The following HLTF variants were observed in gnomAD, a reference collection of about 807,000 sequenced individuals.
HLTF encodes helicase like transcription factor.
Under a neutral mutation model 129.4 loss-of-function variants are expected in HLTF, and 127 were observed. The observed-to-expected ratio is 0.98, with a 90% CI of 0.85 to 1.14. The LOEUF (loss-of-function observed/expected upper bound fraction) is 1.14. Among genes scored for constraint, HLTF ranks in the 50% most tolerant of loss-of-function variants. The pLI, the probability that HLTF is intolerant of heterozygous loss-of-function variation, is 0.00. For missense variants in HLTF, 1,139 were observed against 1,187.1 expected (o/e 0.96, Z 0.60); for synonymous variants, 332 against 388.8 (o/e 0.85, Z 1.72).
At position 149,055,359 on chromosome 3, in the gene HLTF, C is replaced by T. The variant is rs760061545; in HGVS notation, c.1417G>A (p.Glu473Lys). 1.9e-6 allele frequency: 3 copies of T among 1,613,826 alleles called. No individual in the cohort carries two copies. The highest frequency in any genetic ancestry group is 2.7e-5 in the African/African-American group (2 of 74,912). ...VEGSKKTDVEERPRTTLIICP... is the reference protein window; with the variant it reads ...VEGSKKTDVEKRPRTTLIICP... ...ATGATCAGTGTTGTTCTTGGTCTCT[C>T]CTCAACATCAGTTTTCTTTGACCCC... Residue 473 changes from glutamate to lysine, a missense_variant, in exon 14 of 25, where the codon GAG becomes AAG. Glu to Lys is a moderately conservative substitution (Grantham distance 56). Coordinates refer to ENST00000310053, the MANE Select transcript of HLTF (RefSeq NM_003071.4).
chr3:149,055,468 G>T, intron 13 of HLTF, 68 bp from the exon 14 acceptor site: 1 of 980,398 alleles, frequency 1.0e-6, no homozygotes, highest in Non-Finnish European at 1.6e-6. Flanking sequence ...ATAAGGAGAT[G>T]GCAATAATGT....
At chr3:149,083,906 G>A (rs1226689515) in intron 2 of HLTF, among the ~76,000 whole-genome samples, 2 of 138,360 alleles carry the variant, frequency 1.4e-5, no homozygotes, top group African/African-American at 2.7e-5. Context: ...GCAACAAAAC[G>A]AAACTTGGTC....
At chr3:149,061,789 T>C (rs1429290787) in intron 10 of HLTF, among the ~76,000 whole-genome samples, 1 of 147,806 alleles carries the variant, frequency 6.8e-6, no homozygotes. Context: ...TGAGCCGAGA[T>C]CATGCCATTG....
At chr3:149,041,469 T>A in intron 20 of HLTF, 21 bp downstream of exon 20, 1 of 1,593,640 alleles carries the variant, frequency 6.3e-7, no homozygotes, top group Non-Finnish European at 8.6e-7. Context: ...ACACTGAACC[T>A]GTACTGAGCA....
At position 149,086,405 on chromosome 3, in the gene HLTF, C is replaced by T; in HGVS notation, c.-69G>A. 2 of 1,524,224 alleles carry T rather than the reference C, an allele frequency of 1.3e-6. No individual in the cohort carries two copies. The highest frequency in any genetic ancestry group is 1.4e-5 in the African/African-American group (1 of 72,752). 94.4% of individuals were successfully genotyped at this position (1,524,224 alleles called of 1,614,324 possible). A position where few individuals can be genotyped will look rare whatever the true frequency, so the allele number is the denominator to read the frequency against. On this transcript the variant is annotated 5_prime_UTR_variant, in exon 1 of 25. Coordinates refer to ENST00000310053, the MANE Select transcript of HLTF (RefSeq NM_003071.4). ...ATCGTTTTCGAGCCGCCTCGATACG[C>T]CTCCTTCCAGGCCCCGCAGCCCTGA...
chr3:149,041,566 A>T lies in HLTF; in HGVS notation c.2300T>A (p.Leu767Ter). The T allele has an allele frequency of 6.2e-7, 1 of 1,613,136 alleles. No individual in the cohort carries two copies. The highest frequency in any genetic ancestry group is 1.1e-5 in the South Asian group (1 of 91,054). Residue 767 changes from leucine to a stop codon, truncating the protein, a stop_gained, in exon 20 of 25, where the codon TTA becomes TAA. Transcript: ENST00000310053. LOFTEE classifies it high-confidence loss of function. ...ACAATGTGTTATCACAGGAACTGTT[A>T]AAGAATCCAGGCAAATTGCACATTC... ...DEECAICLDS[L>*]TVPVITHCAH...
At chr3:149,060,499 T>C (rs1374127450) in intron 12 of HLTF, 144 bp downstream of exon 12, 2 of 616,680 alleles carry the variant, frequency 3.2e-6, no homozygotes, top group Non-Finnish European at 5.7e-6. Flanking sequence ...AACCCATGGT[T>C]AGCTCCATGA....
In HLTF at chr3:149,046,073, T is replaced by A. The variant is rs1716522694; in HGVS notation, c.2072+7A>T. 6.3e-7 allele frequency: 1 copy of A among 1,593,794 alleles called. No individual in the cohort carries two copies. Among genetic ancestry groups the A allele is most frequent in the Non-Finnish European group, 8.5e-7 (1 of 1,171,184 alleles). On this transcript the variant is annotated splice_region_variant and intron_variant, in intron 18 of 24. Transcript: ENST00000310053. Reference sequence around the variant, plus strand: ...CTAATTTTTAACATGGTTTTCTTTCTCCATACCTTCCAATAGTGGCTCTGC... The same window carrying A: ...CTAATTTTTAACATGGTTTTCTTTCACCATACCTTCCAATAGTGGCTCTGC...
At chr3:149,067,164 T>A (rs1718449793) in intron 8 of HLTF, among the ~76,000 whole-genome samples, 1 of 151,318 alleles carries the variant, frequency 6.6e-6, no homozygotes, top group South Asian at 2.1e-4. Context: ...AATGTATGTT[T>A]ATATTATATA....
intron 4 of HLTF, 104 bp from the exon 5 acceptor site, chr3:149,073,426 G>T: frequency 1.3e-6 from 1 of 777,450 alleles, no homozygotes; most frequent in Non-Finnish European, 2.1e-6. Context: ...GGGTGCTGTG[G>T]CTCATGCCTG....
intron 2 of HLTF, among the ~76,000 whole-genome samples, chr3:149,083,226 G>A (rs1248779630): frequency 6.6e-6 from 1 of 151,926 alleles, no homozygotes; most frequent in African/African-American, 2.4e-5. Context: ...ACTCCAGCCT[G>A]GGCAATGCAA....
In HLTF at chr3:149,074,276, A is replaced by G. The variant is rs1719139442; in HGVS notation, c.468T>C (p.Asn156=). ...LHMTFWGKEE[N]RKAVSDQLKK... is the part of the protein sequence containing the mutation. ...TCAACTGATCTGAAACCGCTTTTCT[A>G]TTTTCTTCTTTTCCCCAAAAAGTCA... Residue 156 remains asparagine, a synonymous_variant, in exon 4 of 25, where the codon AAT becomes AAC. Coordinates refer to ENST00000310053, the MANE Select transcript of HLTF (RefSeq NM_003071.4). 1.2e-6 allele frequency: 2 copies of G among 1,613,500 alleles called. No individual in the cohort carries two copies. Among genetic ancestry groups the G allele is most frequent in the Non-Finnish European group, 1.7e-6 (2 of 1,179,798 alleles).
Position 149,086,319 on chromosome 3 carries a change from CTT to C in HLTF, c.16_17del (p.Lys6GlufsTer32). 1 of 1,602,846 alleles carries C rather than the reference CTT, an allele frequency of 6.2e-7. No homozygotes were observed. The highest frequency in any genetic ancestry group is 8.5e-7 in the Non-Finnish European group (1 of 1,174,530). MSWMF[K>X]RDPVWKYLQT... ...CCCACCCCCTCCGCCCCCTTCACCT[CTT>C]GAACATCCAGGACATGGCGCTGAGT... On this transcript the variant is annotated frameshift_variant, in exon 1 of 25. Transcript: ENST00000310053. LOFTEE classifies it high-confidence loss of function.
chr3:149,050,303 T>C lies in HLTF; in HGVS notation c.1546A>G (p.Arg516Gly). 3 of 1,599,992 alleles carry C rather than the reference T, an allele frequency of 1.9e-6. No homozygotes were observed. Among genetic ancestry groups the C allele is most frequent in the Non-Finnish European group, 2.6e-6 (3 of 1,167,976 alleles). ...FYVYYGPDRI[R>G]EPALLSKQDI... Reference sequence around the variant, plus strand: ...TGTTTTGAAAGTAAGGCCGGTTCTCTAATACGATCAGGACCATAATAAACA... The same window carrying C: ...TGTTTTGAAAGTAAGGCCGGTTCTCCAATACGATCAGGACCATAATAAACA... Residue 516 changes from arginine (R) to glycine (G), a missense_variant, in exon 15 of 25, where the codon AGA becomes GGA. Transcript: ENST00000310053.
At chr3:149,080,890 C>T (rs1320329616) in intron 2 of HLTF, among the ~76,000 whole-genome samples, 1 of 152,114 alleles carries the variant, frequency 6.6e-6, no homozygotes, top group East Asian at 1.9e-4. Context: ...TATAGTCATA[C>T]CCCGCATAAC....
chr3:149,039,632 A>G lies in HLTF; in HGVS notation c.2564T>C (p.Leu855Ser). 1.2e-6 allele frequency: 2 copies of G among 1,607,990 alleles called. No homozygotes were observed. The highest frequency in any genetic ancestry group is 1.7e-5 in the Admixed American group (1 of 59,120). ...GAATGTTGTAAACTGAGAAACAACC[A>G]AACTTTTTATGTTGGGATTCTTCTT... is the stretch of plus-strand genomic sequence containing the variant. ...LRKKNPNIKSLVVSQFTTFLS... is the reference protein window; with the variant it reads ...LRKKNPNIKSSVVSQFTTFLS... The change falls in exon 22 of 25, where the codon TTG becomes TCG. Residue 855 changes from leucine to serine, a missense_variant. Physicochemically the swap from Leu to Ser is moderately radical, Grantham distance 145. Transcript: ENST00000310053.
intron 23 of HLTF, among the ~76,000 whole-genome samples, chr3:149,037,338 A>G (rs912248645): frequency 4.6e-5 from 7 of 151,984 alleles, no homozygotes; most frequent in South Asian, 2.1e-4. Flanking sequence ...GCGTGGTGGC[A>G]GGTGCCTGTA....
intron 9 of HLTF, among the ~76,000 whole-genome samples, chr3:149,064,346 T>G (rs1718184398): frequency 6.6e-6 from 1 of 152,234 alleles, no homozygotes; most frequent in Non-Finnish European, 1.5e-5. Context: ...GAAATAAGCT[T>G]TATGAGGGTC....
intron 4 of HLTF, among the ~76,000 whole-genome samples, 193 bp downstream of exon 4, chr3:149,074,022 T>C (rs1281339124): frequency 1.3e-5 from 2 of 152,158 alleles, no homozygotes; most frequent in Non-Finnish European, 2.9e-5. Context: ...ACTGTGTATA[T>C]TTTTATGTGT....
Sources: gnomAD v4.1 joint callset for allele counts (sites outside exome capture counted in the v4.1 genomes callset) on GRCh38, gnomAD v4.1.1 for gene constraint, MANE v1.5 for transcripts, NCBI Gene and HGNC (gene_info 2026-07-23, HGNC 2026-07-21) for gene names.